The following ABCC8 variants were observed in gnomAD, a reference collection of about 807,000 sequenced individuals.
ABCC8 encodes ATP binding cassette subfamily C member 8.
A neutral mutation model predicts 188.0 loss-of-function variants in ABCC8; 137 were observed. The observed-to-expected ratio is 0.73, with a 90% CI of 0.63 to 0.84. The LOEUF (loss-of-function observed/expected upper bound fraction) is 0.84, where lower values mean the gene tolerates loss of function less well. Among genes scored for constraint, ABCC8 ranks in the 40% least tolerant of loss-of-function variants. ABCC8 has a pLI of 0.00. For missense variants in ABCC8, 1,750 were observed against 2,072.7 expected (o/e 0.84, Z 3.02); for synonymous variants, 797 against 846.5 (o/e 0.94, Z 1.01).
intron 21 of ABCC8, among the ~76,000 whole-genome samples, chr11:17,411,188 C>T (rs1220798047): frequency 3.3e-5 from 5 of 152,232 alleles, no homozygotes; most frequent in African/African-American, 1.2e-4. Flanking sequence ...TTCCTTCCTC[C>T]CTATTCCCGT....
chr11:17,401,896 C>T (rs1328310808), intron 29 of ABCC8, among the ~76,000 whole-genome samples: 2 of 152,184 alleles, frequency 1.3e-5, no homozygotes, highest in African/African-American at 2.4e-5. Flanking sequence ...AACTCCTGCC[C>T]CTCCTTTGAG....
chr11:17,413,067 G>T, intron 20 of ABCC8: 1 of 605,308 alleles, frequency 1.7e-6, no homozygotes, highest in Non-Finnish European at 2.8e-6. Context: ...GTCTAAGCTT[G>T]TGGAGGGGAC....
chr11:17,451,911 C>T (rs910969946), intron 7 of ABCC8, among the ~76,000 whole-genome samples: 1 of 152,204 alleles, frequency 6.6e-6, no homozygotes, highest in Non-Finnish European at 1.5e-5. Flanking sequence ...CTTGTCCCTT[C>T]TTCTGGCTAG....
At chr11:17,469,709 C>T (rs1175364415) in intron 3 of ABCC8, among the ~76,000 whole-genome samples, 2 of 152,176 alleles carry the variant, frequency 1.3e-5, no homozygotes. Context: ...ACAGTGACAT[C>T]TTTGCCAAAT....
In ABCC8 at chr11:17,460,563, C is replaced by T. The variant is rs1414446556; in HGVS notation, c.936G>A (p.Leu312=). Reference sequence around the variant, plus strand: ...AGATGCACAGTGGCCCGGCGAAGCCCAGCAGGTCGGCCAAGATGCGGAAAG... The same window carrying T: ...AGATGCACAGTGGCCCGGCGAAGCCTAGCAGGTCGGCCAAGATGCGGAAAG... ...SSTFRILADL[L]GFAGPLCIFG... The change falls in exon 6 of 39, where the codon CTG becomes CTA. Residue 312 remains leucine, a synonymous_variant. Transcript: ENST00000389817. 1 of 1,613,996 alleles carries T rather than the reference C, an allele frequency of 6.2e-7. No homozygotes were observed. Among genetic ancestry groups the T allele is most frequent in the Non-Finnish European group, 8.5e-7 (1 of 1,180,036 alleles).
At chr11:17,413,064 C>T in intron 20 of ABCC8, 1 of 607,542 alleles carries the variant, frequency 1.6e-6, no homozygotes, top group Non-Finnish European at 2.8e-6. Context: ...TTCGTCTAAG[C>T]TTGTGGAGGG....
chr11:17,422,225 A>T (rs1955379176), intron 16 of ABCC8, among the ~76,000 whole-genome samples: 1 of 152,146 alleles, frequency 6.6e-6, no homozygotes. Flanking sequence ...AGATTTTGAG[A>T]GACAAACAGC....
intron 17 of ABCC8, 108 bp from the exon 18 acceptor site, chr11:17,415,447 C>T (rs1190168605): frequency 9.7e-6 from 15 of 1,547,910 alleles, no homozygotes; most frequent in African/African-American, 1.4e-5. Flanking sequence ...TTTACAATCC[C>T]CTGGACCCAG....
intron 10 of ABCC8, among the ~76,000 whole-genome samples, chr11:17,437,091 CAAAA>C (rs71047551): frequency 1.8e-5 from 1 of 55,058 alleles, no homozygotes; most frequent in Admixed American, 2.7e-4. Flanking sequence ...AACTCTGTCT[CAAAA>C]AAAAAAAAAA....
At chr11:17,460,379 A>C (rs1031368874) in intron 6 of ABCC8, 109 bp downstream of exon 6, 72 of 1,524,410 alleles carry the variant, frequency 4.7e-5, no homozygotes, top group Admixed American at 1.7e-5. Flanking sequence ...CGCATGTGTG[A>C]GGAGCCACTC....
intron 16 of ABCC8, among the ~76,000 whole-genome samples, chr11:17,423,289 A>G (rs1955432857): frequency 1.5e-5 from 2 of 134,050 alleles, no homozygotes; most frequent in Non-Finnish European, 1.5e-5. Flanking sequence ...CCTAGGAGGC[A>G]GAGCTTGTGA....
At position 17,396,902 on chromosome 11, in the gene ABCC8, G is replaced by C. The variant is rs755349743; in HGVS notation, c.4119+14C>G. ...CGCCTGTCCTGCAGCATTGGGTTGGGCCCGTGCTCTGACCTTCTGTCCAGG... is the reference window on the plus strand; with the variant it reads ...CGCCTGTCCTGCAGCATTGGGTTGGCCCCGTGCTCTGACCTTCTGTCCAGG... On this transcript the variant is annotated intron_variant, in intron 33 of 38. Coordinates refer to ENST00000389817, the MANE Select transcript of ABCC8 (RefSeq NM_000352.6). 1.2e-6 allele frequency: 2 copies of C among 1,613,394 alleles called. No individual in the cohort carries two copies. The highest frequency in any genetic ancestry group is 1.1e-5 in the South Asian group (1 of 91,088).
chr11:17,445,934 G>A (rs959372258), intron 8 of ABCC8, among the ~76,000 whole-genome samples: 6 of 151,450 alleles, frequency 4.0e-5, no homozygotes, highest in African/African-American at 1.5e-4. Flanking sequence ...AACGGTAACC[G>A]TGCAGCAGGT....
rs1488880727 is a variant in ABCC8, at chr11:17,416,917, C to A, written c.2255+13G>T. The A allele has an allele frequency of 6.2e-7, 1 of 1,606,412 alleles. No individual in the cohort carries two copies. Among genetic ancestry groups the A allele is most frequent in the Non-Finnish European group, 8.5e-7 (1 of 1,175,314 alleles). On this transcript the variant is annotated intron_variant, in intron 17 of 38. Coordinates refer to ENST00000389817, the MANE Select transcript of ABCC8 (RefSeq NM_000352.6). ...TGTTGAGACCCACTTCTGACCCAGT[C>A]CCAAGGCTGTACCTGGGGTCCTCTC...
Position 17,427,164 on chromosome 11 carries a change from G to A in ABCC8, c.2117-10C>T, listed in dbSNP as rs886048053. 6.2e-7 allele frequency: 1 copy of A among 1,609,328 alleles called. No individual in the cohort carries two copies. Among genetic ancestry groups the A allele is most frequent in the South Asian group, 1.1e-5 (1 of 90,676 alleles). ...ATCATAGTCAGCTGGCCTGCAGGGA[G>A]GGAGGGTGGCAGATGTGAGTGGGGC... On this transcript the variant is annotated splice_polypyrimidine_tract_variant and intron_variant, in intron 15 of 38. Transcript: ENST00000389817. The surrounding 1 kb of genome is among the most constrained non-coding windows in gnomAD (Gnocchi z 5.0).
chr11:17,446,552 T>C (rs1224009016), intron 8 of ABCC8, among the ~76,000 whole-genome samples: 1 of 152,208 alleles, frequency 6.6e-6, no homozygotes, highest in East Asian at 1.9e-4. Context: ...TGGCTGAGAC[T>C]ACAGGCATGA....
chr11:17,411,825 G>C (rs1468300311), intron 21 of ABCC8, among the ~76,000 whole-genome samples: 1 of 151,842 alleles, frequency 6.6e-6, no homozygotes, highest in East Asian at 1.9e-4. Flanking sequence ...GAATTCTTCA[G>C]TGTCAGTCAA....
At position 17,442,849 on chromosome 11, in the gene ABCC8, C is replaced by T. The variant is rs372307320; in HGVS notation, c.1501G>A (p.Glu501Lys). 5.0e-6 allele frequency: 8 copies of T among 1,613,836 alleles called. No homozygotes were observed. The African/African-American group carries it at 5.3e-5, about 11-fold the overall frequency. Residue 501 changes from glutamate (E) to lysine (K), a missense_variant, in exon 10 of 39, where the codon GAG becomes AAG. Transcript: ENST00000389817. ...YSNERLKQTN[E>K]MLRGIKLLKL... The stretch of plus-strand genomic sequence containing the variant: ...AGCAGCTTGATGCCGCGGAGCATCT[C>T]GTTGGTCTGCTTCAGCCGCTCATTG...
At chr11:17,442,211 T>G (rs955699681) in intron 10 of ABCC8, among the ~76,000 whole-genome samples, 4 of 152,172 alleles carry the variant, frequency 2.6e-5, no homozygotes, top group African/African-American at 4.8e-5. Flanking sequence ...TTAATATAAA[T>G]TCAGTCCCTA....
Sources: allele counts gnomAD v4.1 joint callset (sites outside exome capture counted in the v4.1 genomes callset), GRCh38; gene constraint gnomAD v4.1.1; non-coding constraint Gnocchi (gnomAD v3.1); transcripts MANE v1.5; gene names NCBI Gene and HGNC (gene_info 2026-07-23, HGNC 2026-07-21).